Variants in ZNF735 observed in about 807,000 individuals in gnomAD.
ZNF735 encodes the protein putative zinc finger protein 735.
In ZNF735, 11 loss-of-function variants were observed where a neutral mutation model predicts 13.4. That is an observed-to-expected ratio of 0.82 (90% CI 0.52 to 1.36). The LOEUF is 1.36. Among genes scored for constraint, ZNF735 ranks in the 40% most tolerant of loss-of-function variants. ZNF735 has a pLI of 0.00. For synonymous variants in ZNF735, 171 were observed against 162.6 expected (o/e 1.05, Z -0.39); for missense variants, 500 against 484.6 (o/e 1.03, Z -0.30).
At chr7:64,214,167 A>T (rs1319529658) in intron 3 of ZNF735, 59 bp downstream of exon 3, 1 of 1,546,040 alleles carries the variant, frequency 6.5e-7, no homozygotes, top group African/African-American at 1.4e-5. Context: ...TCAAGGAGGT[A>T]GCCAGTCTTT....
At chr7:64,219,199 T>A (rs948546462) in intron 3 of ZNF735, 115 bp from the exon 4 acceptor site, 59 of 1,286,566 alleles carry the variant, frequency 4.6e-5, no homozygotes, top group Non-Finnish European at 5.5e-5. Flanking sequence ...TGGCCTGTGG[T>A]ATTTTGATAT....
intron 1 of ZNF735, among the ~76,000 whole-genome samples, chr7:64,212,566 G>A (rs1787373327): frequency 6.6e-6 from 1 of 152,164 alleles, no homozygotes; most frequent in African/African-American, 2.4e-5. Context: ...GCAAAGGTGA[G>A]TGGATCACGT....
intron 1 of ZNF735, among the ~76,000 whole-genome samples, chr7:64,211,580 T>G (rs1047164672): frequency 1.3e-5 from 2 of 152,064 alleles, no homozygotes; most frequent in East Asian, 3.9e-4. Flanking sequence ...TAATTAAATT[T>G]AGGTCAGTCA....
At chr7:64,220,207 T>C in exon 4 of ZNF735, 1 of 1,613,082 alleles carries the variant, frequency 6.2e-7, no homozygotes, top group Non-Finnish European at 8.5e-7. Context: ...ATGTGAAGAA[T>C]GTGACAAAGC....
chr7:64,218,672 A>C (rs954254981), intron 3 of ZNF735, among the ~76,000 whole-genome samples: 2 of 151,936 alleles, frequency 1.3e-5, no homozygotes, highest in African/African-American at 4.8e-5. Flanking sequence ...TGATTGGACC[A>C]TGTTGCCCAA....
intron 2 of ZNF735, 100 bp from the exon 3 acceptor site, chr7:64,213,913 C>G (rs1787389380): frequency 1.8e-6 from 2 of 1,138,434 alleles, no homozygotes; most frequent in Non-Finnish European, 2.3e-6. Context: ...GAGCTGAGAT[C>G]ATGCCACTGC....
chr7:64,209,069 A>G (rs1223735702), intron 1 of ZNF735, among the ~76,000 whole-genome samples: 2 of 152,164 alleles, frequency 1.3e-5, no homozygotes, highest in African/African-American at 4.8e-5. Context: ...ACTTACATTT[A>G]TTGGGTGTAT....
At chr7:64,213,052 G>C (rs1277108163) in intron 1 of ZNF735, 40 bp from the exon 2 acceptor site, 2 of 1,577,356 alleles carry the variant, frequency 1.3e-6, no homozygotes, top group Non-Finnish European at 1.7e-6. Flanking sequence ...CGGCCATATG[G>C]TAAGTGTGTG....
At position 64,211,158 on chromosome 7, in the gene ZNF735, C is replaced by T. The variant is rs574108430; in HGVS notation, c.40-1934C>T. 3.9e-5 allele frequency among the ~76,000 whole-genome samples: 6 copies of T among 152,244 alleles called. No homozygotes were observed. The South Asian group carries it at 1.0e-3, about 26-fold the overall frequency. The stretch of plus-strand genomic sequence containing the variant: ...AATATTTTTTTTCTATATGCTGTAG[C>T]GTTCTATACATTCTCTTCATCTTGG... On this transcript the variant is annotated intron_variant, in intron 1 of 3. Coordinates refer to ENST00000429565, the Ensembl canonical transcript of ZNF735.
intron 1 of ZNF735, among the ~76,000 whole-genome samples, chr7:64,207,479 C>G (rs1183400604): frequency 2.0e-5 from 3 of 152,162 alleles, no homozygotes; most frequent in Admixed American, 1.3e-4. Flanking sequence ...TGGGCTGGAG[C>G]CCTCTCTGGG....
chr7:64,219,223 T>C (rs1413172383), intron 3 of ZNF735, 91 bp from the exon 4 acceptor site: 2 of 1,481,848 alleles, frequency 1.3e-6, no homozygotes, highest in Admixed American at 5.2e-5. Context: ...ATTTTGCTAA[T>C]GTACCTTGAA....
chr7:64,207,344 G>T, intron 1 of ZNF735, 103 bp downstream of exon 1: 1 of 1,607,386 alleles, frequency 6.2e-7, no homozygotes, highest in Non-Finnish European at 8.5e-7. Context: ...CAGCTCCGGA[G>T]TCTGAGGACC....
intron 1 of ZNF735, 60 bp downstream of exon 1, chr7:64,207,301 G>A: frequency 1.2e-6 from 2 of 1,614,128 alleles, no homozygotes; most frequent in East Asian, 2.2e-5. Flanking sequence ...CCGGCTGAAA[G>A]TGGCTGCAGC....
In ZNF735 at chr7:64,219,647, A is replaced by G. The variant is rs747546071; in HGVS notation, c.596A>G (p.His199Arg). The G allele has an allele frequency of 5.7e-6, 9 of 1,581,328 alleles. No homozygotes were observed. The South Asian group carries it at 9.1e-5, about 16-fold the overall frequency. ...GGCAAATCATTTTGCATGTTTTCAC[A>G]CCTAAATCAACATCAGATAATTCAT... Residue 199 changes from histidine to arginine, a missense_variant, in exon 4 of 4, where the codon CAC (histidine) becomes CGC (arginine). Coordinates refer to ENST00000429565, the Ensembl canonical transcript of ZNF735.
chr7:64,213,465 A>G (rs1787384207), intron 2 of ZNF735, among the ~76,000 whole-genome samples: 2 of 152,196 alleles, frequency 1.3e-5, no homozygotes, highest in Admixed American at 1.3e-4. Flanking sequence ...GGCATAAAAT[A>G]GCGTTGCCAA....
chr7:64,217,913 T>C (rs1479000637), intron 3 of ZNF735, among the ~76,000 whole-genome samples: 2 of 152,174 alleles, frequency 1.3e-5, no homozygotes, highest in Non-Finnish European at 2.9e-5. Context: ...TGTTTTATGA[T>C]TATTTTTATG....
At chr7:64,213,898 G>A in intron 2 of ZNF735, 115 bp from the exon 3 acceptor site, 1 of 944,516 alleles carries the variant, frequency 1.1e-6, no homozygotes, top group Non-Finnish European at 1.4e-6. Flanking sequence ...AGTGGAGGTT[G>A]CAGTGAGCTG....
At chr7:64,210,499 CTT>C (rs970579063) in intron 1 of ZNF735, among the ~76,000 whole-genome samples, 5 of 152,176 alleles carry the variant, frequency 3.3e-5, no homozygotes, top group Non-Finnish European at 7.3e-5. Flanking sequence ...TGCAGAATCA[CTT>C]TGCATAAAGC....
rs1174393926 is a variant in ZNF735, at chr7:64,213,946, G to A, written c.167-67G>A. On this transcript the variant is annotated intron_variant, in intron 2 of 3. Transcript: ENST00000429565. ...TGCACTCCAGCCTGAGCGACAGAGT[G>A]AGACTCCATCTCAAAAAATAAATAA... 4 of 1,391,760 alleles carry A rather than the reference G, an allele frequency of 2.9e-6. No individual in the cohort carries two copies. In the African/African-American group the frequency reaches 5.9e-5, roughly 20 times the overall value. The allele number at this position is 1,391,760 out of a possible 1,614,324, so 86.2% of individuals were successfully genotyped here.
Sources: allele counts gnomAD v4.1 joint callset (sites outside exome capture counted in the v4.1 genomes callset), GRCh38; gene constraint gnomAD v4.1.1; transcripts MANE v1.5; gene names NCBI Gene and HGNC (gene_info 2026-07-23, HGNC 2026-07-21).